AKR1B15: variants seen among roughly 807,000 people sequenced by gnomAD.
AKR1B15 encodes estradiol 17-beta-dehydrogenase AKR1B15.
Under a neutral mutation model 38.5 loss-of-function variants are expected in AKR1B15, and 49 were observed. The observed-to-expected ratio is 1.27, with a 90% CI of 1.01 to 1.62. AKR1B15 has a LOEUF of 1.62. Ranked by LOEUF, AKR1B15 falls within the 40% of genes most tolerant of loss-of-function variation. The probability of loss-of-function intolerance (pLI) is 0.00; values close to 1 mark genes in which losing one functional copy is unlikely to be tolerated. For missense variants in AKR1B15, 411 were observed against 381.6 expected (o/e 1.08, Z -0.64); for synonymous variants, 137 against 135.5 (o/e 1.01, Z -0.08).
At chr7:134,557,404 ACT>A (rs1333253605) in intron 2 of AKR1B15, among the ~76,000 whole-genome samples, 4 of 151,536 alleles carry the variant, frequency 2.6e-5, no homozygotes, top group African/African-American at 9.7e-5. Flanking sequence ...AACCTGATTG[ACT>A]CTCTCTTAGC....
chr7:134,575,199 T>C (rs7788801), intron 6 of AKR1B15, among the ~76,000 whole-genome samples: 43,089 of 152,140 alleles, frequency 0.28, 6,243 homozygotes, highest in Non-Finnish European at 0.3. Flanking sequence ...ATAAAATCTT[T>C]ACCTGTTAGT....
At position 134,571,687 on chromosome 7, in the gene AKR1B15, T is replaced by A; in HGVS notation, c.513+6T>A. 6.2e-7 allele frequency: 1 copy of A among 1,611,974 alleles called. No individual in the cohort carries two copies. The highest frequency in any genetic ancestry group is 8.5e-7 in the Non-Finnish European group (1 of 1,178,494). ...CGTTCTTGGATGCCTGGGAGGTAGG[T>A]TCCAGCTTTGTCTAAGTGTGCTGGG... On this transcript the variant is annotated splice_donor_region_variant and intron_variant, in intron 6 of 11. Transcript: ENST00000457545.
intron 9 of AKR1B15, among the ~76,000 whole-genome samples, 180 bp downstream of exon 9, chr7:134,576,610 C>CA (rs1431445894): frequency 6.6e-6 from 1 of 152,012 alleles, no homozygotes; most frequent in Non-Finnish European, 1.5e-5. Flanking sequence ...GTCACTGAAG[C>CA]AAAGATAGCT....
rs1266327137 is a variant in AKR1B15 at position 134,571,693 on chromosome 7, C to A, written c.513+12C>A. 1.2e-6 allele frequency: 2 copies of A among 1,608,580 alleles called. No homozygotes were observed. Among genetic ancestry groups the A allele is most frequent in the African/African-American group, 2.7e-5 (2 of 74,754 alleles). Reference sequence around the variant, plus strand: ...TGGATGCCTGGGAGGTAGGTTCCAGCTTTGTCTAAGTGTGCTGGGAGAGAA... The same window carrying A: ...TGGATGCCTGGGAGGTAGGTTCCAGATTTGTCTAAGTGTGCTGGGAGAGAA... On this transcript the variant is annotated intron_variant, in intron 6 of 11. Coordinates refer to ENST00000457545, the MANE Select transcript of AKR1B15 (RefSeq NM_001080538.3).
chr7:134,550,428 G>T (rs114217457), intron 1 of AKR1B15, among the ~76,000 whole-genome samples: 1 of 152,164 alleles, frequency 6.6e-6, no homozygotes, highest in African/African-American at 2.4e-5. Flanking sequence ...CTTTCGAGTC[G>T]TGGAGACACC....
chr7:134,572,484 C>T (rs1440068385), intron 6 of AKR1B15, among the ~76,000 whole-genome samples: 1 of 151,938 alleles, frequency 6.6e-6, no homozygotes, highest in African/African-American at 2.4e-5. Flanking sequence ...AAAAATTAGC[C>T]AGGTGTGGTG....
At chr7:134,550,535 G>A (rs774356440) in intron 1 of AKR1B15, among the ~76,000 whole-genome samples, 30 of 152,182 alleles carry the variant, frequency 2.0e-4, no homozygotes, top group Admixed American at 3.9e-4. Context: ...CATAGATCTC[G>A]AAGCTTGAGG....
At chr7:134,562,271 A>T (rs752469624) in intron 2 of AKR1B15, among the ~76,000 whole-genome samples, 13 of 152,182 alleles carry the variant, frequency 8.5e-5, no homozygotes, top group Non-Finnish European at 1.6e-4. Context: ...AGGAAGATTT[A>T]TTTTGAACAG....
chr7:134,555,581 C>A (rs1446093035), intron 1 of AKR1B15, among the ~76,000 whole-genome samples: 6 of 152,126 alleles, frequency 3.9e-5, no homozygotes, highest in Non-Finnish European at 7.4e-5. Flanking sequence ...TTTCTCCTCA[C>A]TTCCTTCATG....
chr7:134,558,788 A>T (rs912213397), intron 2 of AKR1B15, among the ~76,000 whole-genome samples: 12 of 152,116 alleles, frequency 7.9e-5, no homozygotes, highest in African/African-American at 2.7e-4. Context: ...AAAATTATAT[A>T]CTTGGTCTAG....
At chr7:134,565,444 T>C (rs1794510763) in intron 3 of AKR1B15, 1 of 1,612,234 alleles carries the variant, frequency 6.2e-7, no homozygotes, top group African/African-American at 1.3e-5. Context: ...GACGTGAGAC[T>C]TCTACCTGCT....
At chr7:134,561,505 A>C (rs1420883726) in intron 2 of AKR1B15, among the ~76,000 whole-genome samples, 4 of 152,194 alleles carry the variant, frequency 2.6e-5, no homozygotes, top group Admixed American at 6.5e-5. Flanking sequence ...CCATGCCCGG[A>C]CCATGCATGT....
At position 134,577,123 on chromosome 7, in the gene AKR1B15, C is replaced by A. The variant is rs1333952367; in HGVS notation, c.909+77C>A. The A allele has an allele frequency of 2.1e-6, 3 of 1,414,548 alleles. No individual in the cohort carries two copies. The African/African-American group carries it at 4.2e-5, about 20-fold the overall frequency. The allele number at this position is 1,414,548 out of a possible 1,614,324, so 87.6% of individuals were successfully genotyped here. On this transcript the variant is annotated intron_variant, in intron 10 of 11. Transcript: ENST00000457545. ...GCAGACCTTCTCACTAGGCTTCTCACCTCATCCCTGCACTGTCTTTGGCCC... is the reference window on the plus strand; with the variant it reads ...GCAGACCTTCTCACTAGGCTTCTCAACTCATCCCTGCACTGTCTTTGGCCC...
At chr7:134,551,199 C>T (rs968600045) in intron 1 of AKR1B15, among the ~76,000 whole-genome samples, 1 of 152,300 alleles carries the variant, frequency 6.6e-6, no homozygotes, top group Middle Eastern at 3.4e-3. Context: ...CCCTTGTCTC[C>T]TCAACTACAT....
chr7:134,550,538 G>A lies in AKR1B15; in HGVS notation c.-147+1289G>A, dbSNP rs527254576. Among the ~76,000 whole-genome samples, 6 of 152,330 alleles carry A rather than the reference G, an allele frequency of 3.9e-5. No individual in the cohort carries two copies. In the East Asian group the frequency reaches 7.7e-4, roughly 20 times the overall value. ...TCTTATCCTCTCCATAGATCTCGAA[G>A]CTTGAGGAGACAGACCTTATGTGGC... On this transcript the variant is annotated intron_variant, in intron 1 of 11. Transcript: ENST00000457545.
rs1287386618 is a variant in AKR1B15, at chr7:134,575,898, C to T, written c.714C>T (p.Tyr238=). ...CCAAGGGCATCACCGTTACGGCCTA[C>T]AGCCCCCTGGGCTCTCCGGATAGAC... is the stretch of plus-strand genomic sequence containing the variant. ...CHSKGITVTA[Y]SPLGSPDRPW... Residue 238 remains tyrosine (Y), a synonymous_variant, in exon 8 of 12, where the codon TAC becomes TAT. Transcript: ENST00000457545. 6.2e-7 allele frequency: 1 copy of T among 1,613,780 alleles called. No individual in the cohort carries two copies. Among genetic ancestry groups the T allele is most frequent in the South Asian group, 1.1e-5 (1 of 91,060 alleles).
At chr7:134,569,262 C>A in intron 4 of AKR1B15, 151 bp from the exon 5 acceptor site, 1 of 869,054 alleles carries the variant, frequency 1.2e-6, no homozygotes, top group Non-Finnish European at 1.8e-6. Context: ...CCCTGGCGAT[C>A]TTCCACACTG....
intron 1 of AKR1B15, among the ~76,000 whole-genome samples, chr7:134,553,761 T>A (rs1448783911): frequency 1.3e-5 from 2 of 152,216 alleles, no homozygotes; most frequent in African/African-American, 2.4e-5. Context: ...TGTCCATGAC[T>A]GCCAAGAACT....
At chr7:134,559,626 C>A (rs1562944828) in intron 2 of AKR1B15, among the ~76,000 whole-genome samples, 1 of 152,012 alleles carries the variant, frequency 6.6e-6, no homozygotes, top group Non-Finnish European at 1.5e-5. Context: ...TTTTCTTTGA[C>A]AAAATAATTT....
Sources: gnomAD v4.1 joint callset for allele counts (sites outside exome capture counted in the v4.1 genomes callset) on GRCh38, gnomAD v4.1.1 for gene constraint, MANE v1.5 for transcripts, NCBI Gene and HGNC (gene_info 2026-07-23, HGNC 2026-07-21) for gene names.